Variants in EYS observed in about 807,000 individuals in gnomAD.
EYS encodes EGF-like photoreceptor maintenance factor.
In EYS, 250 loss-of-function variants were observed where a neutral mutation model predicts 282.1. The observed-to-expected ratio is 0.89, with a 90% CI of 0.80 to 0.98. The LOEUF is 0.98. Among genes scored for constraint, EYS ranks in the 50% least tolerant of loss-of-function variants. The probability of loss-of-function intolerance (pLI) is 0.00; values close to 1 mark genes in which losing one functional copy is unlikely to be tolerated. For synonymous variants in EYS, 1,355 were observed against 1,282.9 expected (o/e 1.06, Z -1.20); for missense variants, 4,016 against 3,709.0 (o/e 1.08, Z -2.15).
At chr6:64,665,934 G>C (rs985235890) in intron 22 of EYS, among the ~76,000 whole-genome samples, 1 of 152,090 alleles carries the variant, frequency 6.6e-6, no homozygotes, top group African/African-American at 2.4e-5. Context: ...GTGGCTGGAG[G>C]CCAGGAACTT....
At position 64,295,538 on chromosome 6, in the gene EYS, G is replaced by GAAGA. The variant is rs1306547830; in HGVS notation, c.6191+11428_6191+11431dup. 3.6e-5 allele frequency among the ~76,000 whole-genome samples: 2 copies of GAAGA among 55,822 alleles called. 1 individual carries two copies. Among genetic ancestry groups the GAAGA allele is most frequent in the African/African-American group, 2.5e-4 (2 of 7,892 alleles). 36.6% of individuals were successfully genotyped at this position (55,822 alleles called of 152,430 possible). Reference sequence around the variant, plus strand: ...AGAAGAAAGAAGAAAGAAGAAGAAAGAAGAAGAAAGAAGAAGAAAGAAGAA... The same window carrying GAAGA: ...AGAAGAAAGAAGAAAGAAGAAGAAAGAAGAAAGAAGAAAGAAGAAGAAAGAAGAA... On this transcript the variant is annotated intron_variant, in intron 30 of 42. Transcript: ENST00000503581.
chr6:65,573,735 T>C (rs950947194), intron 2 of EYS, among the ~76,000 whole-genome samples: 4 of 152,168 alleles, frequency 2.6e-5, no homozygotes, highest in African/African-American at 9.6e-5. Context: ...TCTTGCAGTA[T>C]ATGCCCATGC....
intron 12 of EYS, among the ~76,000 whole-genome samples, chr6:65,202,982 A>G (rs1765940953): frequency 1.3e-5 from 2 of 152,182 alleles, no homozygotes; most frequent in African/African-American, 4.8e-5. Flanking sequence ...CCTGGCTGCC[A>G]GCTCACCAGA....
chr6:64,972,055 G>A (rs1770313699), intron 14 of EYS, among the ~76,000 whole-genome samples: 4 of 152,090 alleles, frequency 2.6e-5, no homozygotes, highest in African/African-American at 9.7e-5. Context: ...TTCTAGCAAT[G>A]TATCTTGGAG....
At chr6:64,589,019 G>A (rs370898936) in intron 26 of EYS, among the ~76,000 whole-genome samples, 27 of 151,950 alleles carry the variant, frequency 1.8e-4, no homozygotes, top group East Asian at 7.7e-4. Context: ...TTTCCAAGAG[G>A]TGGCTATGGG....
At chr6:64,899,801 G>A (rs548943006) in intron 18 of EYS, among the ~76,000 whole-genome samples, 21 of 151,986 alleles carry the variant, frequency 1.4e-4, no homozygotes, top group East Asian at 7.7e-4. Context: ...TGGCCACACC[G>A]CCCAAAGTAA....
At chr6:65,242,063 TATA>T (rs1354726709) in intron 12 of EYS, among the ~76,000 whole-genome samples, 4 of 152,160 alleles carry the variant, frequency 2.6e-5, no homozygotes, top group Non-Finnish European at 5.9e-5. Context: ...TGATTACCTG[TATA>T]ATGACTCCAT....
At chr6:64,117,565 A>G (rs1773430602) in intron 31 of EYS, among the ~76,000 whole-genome samples, 1 of 151,856 alleles carries the variant, frequency 6.6e-6, no homozygotes, top group Non-Finnish European at 1.5e-5. Context: ...GAACAATTAC[A>G]GGAGACTATT....
intron 14 of EYS, among the ~76,000 whole-genome samples, chr6:64,966,035 C>A (rs189598380): frequency 2.0e-5 from 3 of 151,542 alleles, no homozygotes; most frequent in Admixed American, 6.6e-5. Flanking sequence ...TACTGGGTTG[C>A]GAAATGGGTA....
chr6:65,359,284 TTTGA>T (rs1185957611), intron 8 of EYS, among the ~76,000 whole-genome samples: 1 of 152,094 alleles, frequency 6.6e-6, no homozygotes, highest in Non-Finnish European at 1.5e-5. Flanking sequence ...GTGATTTTTA[TTTGA>T]TTGACACAAA....
intron 12 of EYS, among the ~76,000 whole-genome samples, chr6:65,107,124 A>G (rs566592031): frequency 6.6e-6 from 1 of 152,150 alleles, no homozygotes; most frequent in South Asian, 2.1e-4. Flanking sequence ...AAATGTTTTC[A>G]GTGCTTATAA....
At chr6:65,472,185 C>G (rs1002542248) in intron 5 of EYS, among the ~76,000 whole-genome samples, 2 of 151,894 alleles carry the variant, frequency 1.3e-5, no homozygotes, top group Non-Finnish European at 2.9e-5. Context: ...GTTGGAAGAT[C>G]CATATAAAGA....
intron 41 of EYS, among the ~76,000 whole-genome samples, chr6:63,748,834 C>A (rs1374058537): frequency 1.3e-5 from 2 of 151,946 alleles, no homozygotes; most frequent in Non-Finnish European, 2.9e-5. Flanking sequence ...GTGGTAATAT[C>A]CCCCTTGTTA....
intron 1 of EYS, among the ~76,000 whole-genome samples, chr6:65,682,662 T>C (rs2149839110): frequency 6.6e-6 from 1 of 151,976 alleles, no homozygotes; most frequent in African/African-American, 2.4e-5. Flanking sequence ...ATTCATGCTC[T>C]CCGGGAGCTC....
chr6:64,996,068 T>A (rs1419368716), intron 14 of EYS, among the ~76,000 whole-genome samples: 2 of 152,102 alleles, frequency 1.3e-5, no homozygotes, highest in Non-Finnish European at 2.9e-5. Context: ...ACATTATGGA[T>A]GTGTACATTA....
rs749943215 is a variant in EYS at position 65,690,755 on chromosome 6, C to G, written c.-448+16380G>C. 5.3e-5 allele frequency among the ~76,000 whole-genome samples: 8 copies of G among 149,962 alleles called. 1 individual carries two copies. The highest frequency in any genetic ancestry group is 1.0e-4 in the Non-Finnish European group (7 of 67,664). ...AGCCCCCCAGCCCACAACAGGCCCC[C>G]AAGTGTGTGAGGTTCCCCTCCCTGT... is the stretch of plus-strand genomic sequence containing the variant. On this transcript the variant is annotated intron_variant, in intron 1 of 42. Coordinates refer to ENST00000503581, the MANE Select transcript of EYS (RefSeq NM_001142800.2).
intron 26 of EYS, among the ~76,000 whole-genome samples, chr6:64,469,333 A>T (rs2150490987): frequency 6.6e-6 from 1 of 152,330 alleles, no homozygotes; most frequent in Admixed American, 6.5e-5. Flanking sequence ...CAGCTGTTCC[A>T]GTATAATAAA....
At chr6:65,080,111 T>C (rs1379696406) in intron 12 of EYS, among the ~76,000 whole-genome samples, 1 of 152,094 alleles carries the variant, frequency 6.6e-6, no homozygotes, top group African/African-American at 2.4e-5. Context: ...CTGTTCCCAA[T>C]GACCACTACA....
chr6:64,666,332 A>C (rs574474318), intron 22 of EYS, among the ~76,000 whole-genome samples: 1 of 152,272 alleles, frequency 6.6e-6, no homozygotes, highest in South Asian at 2.1e-4. Context: ...CATATCTTTC[A>C]CCTCTAATGT....
Sources: gnomAD v4.1 joint callset for allele counts (sites outside exome capture counted in the v4.1 genomes callset) on GRCh38, gnomAD v4.1.1 for gene constraint, MANE v1.5 for transcripts, NCBI Gene and HGNC (gene_info 2026-07-23, HGNC 2026-07-21) for gene names.